The following SRGAP2C variants were observed in gnomAD, a reference collection of about 807,000 sequenced individuals.
SRGAP2C encodes SLIT-ROBO Rho GTPase-activating protein 2C.
SRGAP2C carries 15 observed loss-of-function variants against 25.1 expected under a neutral mutation model. The observed-to-expected ratio is 0.60, with a 90% CI of 0.40 to 0.92. The LOEUF (loss-of-function observed/expected upper bound fraction) is 0.92. SRGAP2C is among the 40% of genes least tolerant of loss of function. The pLI is 0.00. For missense variants in SRGAP2C, 144 were observed against 264.4 expected, an observed-to-expected ratio of 0.54 and a Z score of 3.16; for synonymous variants, 44 against 96.6, an observed-to-expected ratio of 0.46 and a Z score of 3.19.
At chr1:121,217,701 C>G (rs1189207287) in intron 2 of SRGAP2C, among the ~76,000 whole-genome samples, 2 of 152,190 alleles carry the variant, frequency 1.3e-5, no homozygotes, top group Non-Finnish European at 2.9e-5. Context: ...CAGACTGCAT[C>G]TCGATGGCAG....
intron 2 of SRGAP2C, among the ~76,000 whole-genome samples, chr1:121,267,963 C>T (rs1293690515): frequency 2.0e-5 from 3 of 151,028 alleles, no homozygotes; most frequent in Admixed American, 6.6e-5. Context: ...TAAATTGTTC[C>T]AAATCCCATC....
chr1:121,230,862 A>G (rs1321568152), intron 2 of SRGAP2C, among the ~76,000 whole-genome samples: 1 of 152,060 alleles, frequency 6.6e-6, no homozygotes, highest in African/African-American at 2.4e-5. Context: ...GCCATAAAAA[A>G]GAATGAGTTC....
chr1:121,208,565 C>T (rs1570705766), intron 2 of SRGAP2C, among the ~76,000 whole-genome samples: 2 of 152,216 alleles, frequency 1.3e-5, no homozygotes, highest in African/African-American at 4.8e-5. Context: ...ACCTCTTGGG[C>T]TCTGTTCATG....
intron 3 of SRGAP2C, among the ~76,000 whole-genome samples, chr1:121,293,655 C>T (rs1393730294): frequency 7.2e-5 from 11 of 152,008 alleles, no homozygotes; most frequent in East Asian, 3.9e-4. Context: ...TATTTTCAGT[C>T]GGTGAACTGT....
intron 3 of SRGAP2C, among the ~76,000 whole-genome samples, chr1:121,315,534 A>G (rs1311848417): frequency 6.6e-6 from 1 of 151,688 alleles, no homozygotes; most frequent in African/African-American, 2.4e-5. Context: ...GAAATTGACT[A>G]GGGCTTCTCT....
At chr1:121,208,786 C>T (rs1264756541) in intron 2 of SRGAP2C, among the ~76,000 whole-genome samples, 20 of 152,138 alleles carry the variant, frequency 1.3e-4, no homozygotes, top group South Asian at 2.1e-4. Flanking sequence ...AATGAATGAA[C>T]GAATGAAATT....
chr1:121,308,520 G>A (rs1389442093), intron 3 of SRGAP2C, among the ~76,000 whole-genome samples: 6 of 150,338 alleles, frequency 4.0e-5, no homozygotes, highest in African/African-American at 4.9e-5. Context: ...TCATACTTGT[G>A]AGCCTGGCAC....
intron 4 of SRGAP2C, among the ~76,000 whole-genome samples, chr1:121,334,676 T>A (rs1474953690): frequency 1.3e-5 from 2 of 150,734 alleles, no homozygotes; most frequent in African/African-American, 4.9e-5. Context: ...TTATCTTTGG[T>A]TTTTAGTTCT....
chr1:121,258,402 T>G (rs1656530694), intron 2 of SRGAP2C, among the ~76,000 whole-genome samples: 1 of 149,050 alleles, frequency 6.7e-6, no homozygotes, highest in African/African-American at 2.5e-5. Flanking sequence ...CTGTTGAAGT[T>G]CCAGGATTGG....
intron 2 of SRGAP2C, among the ~76,000 whole-genome samples, chr1:121,263,418 G>A (rs1400645392): frequency 9.3e-6 from 1 of 107,492 alleles, no homozygotes; most frequent in African/African-American, 3.6e-5. Flanking sequence ...GCGACAGAGT[G>A]AGACTCCGTC....
intron 2 of SRGAP2C, among the ~76,000 whole-genome samples, chr1:121,202,384 C>T (rs1553321829): frequency 6.6e-6 from 1 of 150,960 alleles, no homozygotes; most frequent in Admixed American, 6.6e-5. Context: ...AGATCATGAG[C>T]TAATTTCAAC....
chr1:121,287,790 G>T (rs1657407423), intron 3 of SRGAP2C, among the ~76,000 whole-genome samples: 1 of 152,112 alleles, frequency 6.6e-6, no homozygotes, highest in Non-Finnish European at 1.5e-5. Flanking sequence ...CCTTCTGGTG[G>T]GTTCATGGTC....
chr1:121,315,373 A>G (rs1335192678), intron 3 of SRGAP2C, among the ~76,000 whole-genome samples: 6 of 143,026 alleles, frequency 4.2e-5, no homozygotes, highest in African/African-American at 1.5e-4. Context: ...GACTTGCCCA[A>G]AGTTATCTGG....
At chr1:121,244,276 TG>T (rs1248809493) in intron 2 of SRGAP2C, among the ~76,000 whole-genome samples, 1 of 121,986 alleles carries the variant, frequency 8.2e-6, no homozygotes, top group Non-Finnish European at 1.7e-5. Context: ...TGCCACCAGT[TG>T]ATTGCTTTTG....
chr1:121,352,980 C>G (rs1185820034), intron 4 of SRGAP2C, among the ~76,000 whole-genome samples: 2 of 149,724 alleles, frequency 1.3e-5, no homozygotes, highest in African/African-American at 4.9e-5. Flanking sequence ...GTCCCAGCTA[C>G]TTGGGAGGCT....
chr1:121,196,983 T>C (rs1654844087), intron 2 of SRGAP2C, among the ~76,000 whole-genome samples: 2 of 151,374 alleles, frequency 1.3e-5, no homozygotes, highest in Non-Finnish European at 2.9e-5. Context: ...TAAAAGACTG[T>C]TAATATTAAT....
At chr1:121,286,733 C>A (rs1171557722) in intron 3 of SRGAP2C, among the ~76,000 whole-genome samples, 1 of 151,432 alleles carries the variant, frequency 6.6e-6, no homozygotes, top group Admixed American at 6.6e-5. Context: ...CAAAGGTGCA[C>A]GCTTTTTGGC....
intron 2 of SRGAP2C, among the ~76,000 whole-genome samples, chr1:121,208,795 T>C (rs1655179495): frequency 6.6e-6 from 1 of 152,216 alleles, no homozygotes; most frequent in South Asian, 2.1e-4. Context: ...ACGAATGAAA[T>C]TCCTTGCATT....
intron 2 of SRGAP2C, among the ~76,000 whole-genome samples, chr1:121,260,548 A>G (rs1353948453): frequency 6.6e-6 from 1 of 151,056 alleles, no homozygotes; most frequent in African/African-American, 2.4e-5. Flanking sequence ...CTATATCTAC[A>G]TCAATTATAT....
Sources: allele counts gnomAD v4.1 joint callset (sites outside exome capture counted in the v4.1 genomes callset), GRCh38; gene constraint gnomAD v4.1.1; transcripts MANE v1.5; gene names NCBI Gene and HGNC (gene_info 2026-07-23, HGNC 2026-07-21).